The following DLG2 variants were observed in gnomAD, a reference collection of about 807,000 sequenced individuals.
The protein encoded by DLG2 is discs large MAGUK scaffold protein 2.
DLG2 carries 45 observed loss-of-function variants against 132.5 expected under a neutral mutation model. The ratio of observed to expected loss-of-function variants is 0.34; its 90% CI spans 0.27 to 0.44. The LOEUF (loss-of-function observed/expected upper bound fraction) is 0.44, where lower values mean the gene tolerates loss of function less well. Ranked by LOEUF, DLG2 falls within the 20% of genes least tolerant of loss-of-function variation. DLG2 has a pLI of 1.00. For missense variants in DLG2, 1,045 were observed against 1,196.9 expected, an observed-to-expected ratio of 0.87 and a Z score of 1.87; for synonymous variants, 424 against 419.6, an observed-to-expected ratio of 1.01 and a Z score of -0.13.
In DLG2 at chr11:83,827,595, C is replaced by G. The variant is rs146976662; in HGVS notation, c.1722+6019G>C. 2.8e-3 allele frequency among the ~76,000 whole-genome samples: 433 copies of G among 152,240 alleles called. 12 individuals are homozygous for G. Among genetic ancestry groups the G allele is most frequent in the Admixed American group, 0.026 (402 of 15,290 alleles). On this transcript the variant is annotated intron_variant, in intron 17 of 27. Transcript: ENST00000376104. Reference sequence around the variant, plus strand: ...TTTGTTAAATACTTAAAGTCCATATCAAGAATGAGCTTTGGAGTTAGCAAG... The same window carrying G: ...TTTGTTAAATACTTAAAGTCCATATGAAGAATGAGCTTTGGAGTTAGCAAG...
chr11:85,035,788 G>T (rs1013748388), intron 6 of DLG2, among the ~76,000 whole-genome samples: 1 of 152,110 alleles, frequency 6.6e-6, no homozygotes, highest in Non-Finnish European at 1.5e-5. Context: ...GCCCGATGAG[G>T]CTACTGCCTT....
At chr11:83,896,415 A>G (rs1450264876) in intron 15 of DLG2, among the ~76,000 whole-genome samples, 1 of 152,252 alleles carries the variant, frequency 6.6e-6, no homozygotes, top group Non-Finnish European at 1.5e-5. Flanking sequence ...ATGAAATTAC[A>G]GAATCTTAAT....
intron 7 of DLG2, among the ~76,000 whole-genome samples, chr11:84,279,886 A>G (rs940563818): frequency 1.3e-5 from 2 of 152,178 alleles, no homozygotes; most frequent in South Asian, 2.1e-4. Flanking sequence ...CTAATTAACA[A>G]CTTAACGATT....
At chr11:84,863,165 C>T (rs1303074196) in intron 6 of DLG2, among the ~76,000 whole-genome samples, 1 of 152,042 alleles carries the variant, frequency 6.6e-6, no homozygotes, top group African/African-American at 2.4e-5. Context: ...CCAGGCCCAG[C>T]TGTTTATGCG....
intron 4 of DLG2, among the ~76,000 whole-genome samples, chr11:85,190,244 C>T (rs1015169070): frequency 6.6e-6 from 1 of 152,114 alleles, no homozygotes; most frequent in Non-Finnish European, 1.5e-5. Context: ...TAAAAGTATT[C>T]ACAATCATAC....
chr11:85,379,219 C>T (rs1301864063), intron 3 of DLG2, among the ~76,000 whole-genome samples: 1 of 152,116 alleles, frequency 6.6e-6, no homozygotes, highest in Non-Finnish European at 1.5e-5. Flanking sequence ...TAAATGTCTG[C>T]TAGTCATTGT....
At chr11:85,569,351 T>C (rs1044267948) in intron 3 of DLG2, among the ~76,000 whole-genome samples, 5 of 152,162 alleles carry the variant, frequency 3.3e-5, no homozygotes, top group African/African-American at 4.8e-5. Context: ...TTAATGTAAG[T>C]ATTTATAGCT....
intron 6 of DLG2, among the ~76,000 whole-genome samples, chr11:84,634,507 C>T (rs558186765): frequency 1.7e-3 from 260 of 152,268 alleles, no homozygotes; most frequent in Non-Finnish European, 3.1e-3. Flanking sequence ...TCAAATAAGG[C>T]AAATGCCAAG....
intron 3 of DLG2, among the ~76,000 whole-genome samples, chr11:85,566,610 G>A (rs1336744216): frequency 1.3e-5 from 2 of 152,036 alleles, no homozygotes; most frequent in Non-Finnish European, 2.9e-5. Flanking sequence ...CAGAAAGAGG[G>A]CAAGAGAGTT....
chr11:84,393,111 T>C (rs2098798593), intron 7 of DLG2, among the ~76,000 whole-genome samples: 1 of 152,120 alleles, frequency 6.6e-6, no homozygotes, highest in Admixed American at 6.6e-5. Flanking sequence ...GGCCTAGAAA[T>C]CAGACGGGAT....
At chr11:85,571,491 C>T (rs1590896429) in intron 3 of DLG2, among the ~76,000 whole-genome samples, 1 of 152,110 alleles carries the variant, frequency 6.6e-6, no homozygotes, top group African/African-American at 2.4e-5. Context: ...ACCTTCAACC[C>T]TCATGCAAGC....
chr11:85,361,029 A>G (rs1446842867), intron 3 of DLG2, among the ~76,000 whole-genome samples: 1 of 152,212 alleles, frequency 6.6e-6, no homozygotes, highest in Non-Finnish European at 1.5e-5. Flanking sequence ...AAAAAAAAAT[A>G]AAATCTTCTT....
At chr11:84,043,436 T>G in intron 11 of DLG2, among the ~76,000 whole-genome samples, 1 of 151,770 alleles carries the variant, frequency 6.6e-6, no homozygotes, top group Non-Finnish European at 1.5e-5. Flanking sequence ...GTTATATACG[T>G]AAACTCGGGT....
intron 15 of DLG2, among the ~76,000 whole-genome samples, chr11:83,900,554 G>T (rs1287027324): frequency 6.6e-6 from 1 of 152,222 alleles, no homozygotes; most frequent in Non-Finnish European, 1.5e-5. Flanking sequence ...TTGGGCTGTG[G>T]CTTCTGAGGG....
chr11:84,914,555 G>A (rs576517315), intron 6 of DLG2, among the ~76,000 whole-genome samples: 23 of 152,276 alleles, frequency 1.5e-4, no homozygotes, highest in African/African-American at 5.5e-4. Context: ...AGGTTATCAG[G>A]CCCATAAGAA....
At chr11:84,766,076 C>T (rs537189882) in intron 6 of DLG2, among the ~76,000 whole-genome samples, 8 of 152,090 alleles carry the variant, frequency 5.3e-5, no homozygotes, top group Non-Finnish European at 7.4e-5. Flanking sequence ...ATACTCCTTC[C>T]GTAGCGGCCT....
chr11:83,788,449 C>A (rs927072904), intron 17 of DLG2, among the ~76,000 whole-genome samples: 5 of 152,220 alleles, frequency 3.3e-5, no homozygotes, highest in African/African-American at 1.2e-4. Flanking sequence ...CTACCTGAGA[C>A]TCAATTTTCT....
intron 6 of DLG2, among the ~76,000 whole-genome samples, chr11:84,538,830 GT>G (rs527472617): frequency 6.6e-5 from 10 of 150,970 alleles, no homozygotes; most frequent in East Asian, 1.9e-4. Flanking sequence ...ACATTCCCGT[GT>G]TTTTTTTTCT....
chr11:84,211,938 A>AT (rs2096761373), intron 8 of DLG2, among the ~76,000 whole-genome samples: 1 of 152,238 alleles, frequency 6.6e-6, no homozygotes, highest in African/African-American at 2.4e-5. Context: ...ATAAGAGGAT[A>AT]AATAGATGTG....
Sources: allele counts gnomAD v4.1 joint callset (sites outside exome capture counted in the v4.1 genomes callset), GRCh38; gene constraint gnomAD v4.1.1; transcripts MANE v1.5; gene names NCBI Gene and HGNC (gene_info 2026-07-23, HGNC 2026-07-21).